Variants in MON2 observed in about 807,000 individuals in gnomAD.
MON2 encodes the protein protein MON2 homolog.
MON2 carries 84 observed loss-of-function variants against 208.6 expected under a neutral mutation model. The ratio of observed to expected loss-of-function variants is 0.40; its 90% CI spans 0.34 to 0.48. The LOEUF (loss-of-function observed/expected upper bound fraction) is 0.48. MON2 is among the 20% of genes least tolerant of loss of function. The pLI is 0.59. For synonymous variants in MON2, 660 were observed against 694.0 expected, an observed-to-expected ratio of 0.95 and a Z score of 0.77; for missense variants, 1,611 against 2,015.4, an observed-to-expected ratio of 0.80 and a Z score of 3.84.
intron 26 of MON2, among the ~76,000 whole-genome samples, chr12:62,561,655 G>C (rs901222231): frequency 6.6e-6 from 1 of 152,082 alleles, no homozygotes; most frequent in Middle Eastern, 3.2e-3. Context: ...AGCAAATTCA[G>C]ATTAGCAAGC....
chr12:62,585,095 ACACACACACACAC>A (rs1565714496), intron 32 of MON2, among the ~76,000 whole-genome samples, 186 bp from the exon 33 acceptor site: 4 of 104,908 alleles, frequency 3.8e-5, no homozygotes, highest in African/African-American at 1.2e-4. Flanking sequence ...ACACACACAC[ACACACACACACAC>A]ACAAAACAAA....
chr12:62,470,483 T>G lies in MON2; in HGVS notation c.111+3165T>G, dbSNP rs576292162. On this transcript the variant is annotated intron_variant, in intron 1 of 34. Transcript: ENST00000393630. Reference sequence around the variant, plus strand: ...TTTTCTTAGTTGTTATACATAAATCTTCATGTTTTAGCAGTATAACTTTTT... The same window carrying G: ...TTTTCTTAGTTGTTATACATAAATCGTCATGTTTTAGCAGTATAACTTTTT... Among the ~76,000 whole-genome samples, 15 of 152,300 alleles carry G rather than the reference T, an allele frequency of 9.8e-5. No homozygotes were observed. The East Asian group carries it at 2.3e-3, about 23-fold the overall frequency.
At chr12:62,507,729 C>T (rs1213306137) in intron 7 of MON2, among the ~76,000 whole-genome samples, 1 of 152,090 alleles carries the variant, frequency 6.6e-6, no homozygotes, top group East Asian at 1.9e-4. Flanking sequence ...TCCTTTTAAA[C>T]TTATATTCTT....
chr12:62,548,209 G>A (rs2073579733), intron 22 of MON2, among the ~76,000 whole-genome samples: 1 of 152,178 alleles, frequency 6.6e-6, no homozygotes, highest in East Asian at 1.9e-4. Flanking sequence ...AATGAGAATG[G>A]CTACAAGTGC....
chr12:62,472,384 T>C (rs1158144182), intron 1 of MON2, among the ~76,000 whole-genome samples: 1 of 152,198 alleles, frequency 6.6e-6, no homozygotes, highest in Admixed American at 6.5e-5. Context: ...GTTTAGGTGG[T>C]CAGAATTAGG....
intron 30 of MON2, among the ~76,000 whole-genome samples, chr12:62,576,475 T>C (rs998931422): frequency 6.6e-6 from 1 of 152,072 alleles, no homozygotes; most frequent in Non-Finnish European, 1.5e-5. Flanking sequence ...ATATATAGAT[T>C]ATATTGCAAC....
intron 23 of MON2, 56 bp downstream of exon 23, chr12:62,549,886 TG>T: frequency 8.7e-7 from 1 of 1,148,366 alleles, no homozygotes; most frequent in South Asian, 2.2e-5. Context: ...GTTATTCAGT[TG>T]GGAGTGAATG....
Position 62,561,110 on chromosome 12 carries a change from A to G in MON2, c.4029A>G (p.Gln1343=). The G allele has an allele frequency of 6.3e-7, 1 of 1,591,032 alleles. No individual in the cohort carries two copies. Among genetic ancestry groups the G allele is most frequent in the Non-Finnish European group, 8.5e-7 (1 of 1,171,416 alleles). ...EAVLTALDVL[Q]KAICVGPENM... is the part of the protein sequence containing the mutation. ...TACTTACAGCTTTAGATGTTCTCCA[A>G]AAGGTAATATAATTTTAGTGGCTAA... Residue 1343 remains glutamine (Q), a synonymous_variant, in exon 26 of 35, where the codon CAA becomes CAG. Transcript: ENST00000393630.
chr12:62,490,288 A>G (rs1485986549), intron 2 of MON2, among the ~76,000 whole-genome samples: 1 of 152,164 alleles, frequency 6.6e-6, no homozygotes, highest in East Asian at 1.9e-4. Context: ...TAATGAAAAT[A>G]GAAACAAATA....
chr12:62,494,031 G>C lies in MON2; in HGVS notation c.292G>C (p.Val98Leu). ...AAIQRLMSHE[V>L]VSETAAGNII... ...TATTCAGAGACTCATGTCACATGAAGTCGTGTCTGAGGTAATATGAAGATT... is the reference window on the plus strand; with the variant it reads ...TATTCAGAGACTCATGTCACATGAACTCGTGTCTGAGGTAATATGAAGATT... The change falls in exon 3 of 35, where the codon GTC becomes CTC. Residue 98 changes from valine (V) to leucine (L), a missense_variant. Transcript: ENST00000393630. The C allele has an allele frequency of 6.2e-7, 1 of 1,612,542 alleles. No individual in the cohort carries two copies. Among genetic ancestry groups the C allele is most frequent in the Non-Finnish European group, 8.5e-7 (1 of 1,179,068 alleles).
intron 25 of MON2, among the ~76,000 whole-genome samples, chr12:62,556,604 A>T (rs2073977312): frequency 6.6e-6 from 1 of 152,170 alleles, no homozygotes; most frequent in African/African-American, 2.4e-5. Context: ...CGAAGTGTGG[A>T]GAGCCTTATA....
At chr12:62,541,342 T>C (rs1479549456) in intron 19 of MON2, among the ~76,000 whole-genome samples, 2 of 142,582 alleles carry the variant, frequency 1.4e-5, no homozygotes, top group Non-Finnish European at 3.0e-5. Flanking sequence ...GCCATTGCAC[T>C]CCAGCCTGGG....
chr12:62,489,198 C>T (rs563813300), intron 2 of MON2, among the ~76,000 whole-genome samples: 1 of 152,008 alleles, frequency 6.6e-6, no homozygotes, highest in Non-Finnish European at 1.5e-5. Context: ...ATACTGCTTT[C>T]CAAAAAGATG....
intron 26 of MON2, 129 bp from the exon 27 acceptor site, chr12:62,565,108 C>T: frequency 1.1e-6 from 1 of 874,616 alleles, no homozygotes; most frequent in Non-Finnish European, 1.8e-6. Flanking sequence ...CTTTAGGGCT[C>T]AGAAAAGATG....
intron 30 of MON2, among the ~76,000 whole-genome samples, chr12:62,576,678 A>T (rs78924616): frequency 6.6e-6 from 1 of 151,926 alleles, no homozygotes; most frequent in South Asian, 2.1e-4. Flanking sequence ...ATTGCCCCTT[A>T]TAATTTATAG....
chr12:62,583,978 A>C (rs1436128475), intron 32 of MON2, among the ~76,000 whole-genome samples: 12 of 151,220 alleles, frequency 7.9e-5, no homozygotes, highest in South Asian at 2.1e-4. Flanking sequence ...AAAAAAACAA[A>C]AAAAAAAAAC....
At chr12:62,514,666 G>C (rs2071597402) in intron 8 of MON2, among the ~76,000 whole-genome samples, 1 of 152,136 alleles carries the variant, frequency 6.6e-6, no homozygotes, top group Non-Finnish European at 1.5e-5. Context: ...AGATTTGGTT[G>C]GGGACACAGC....
intron 11 of MON2, among the ~76,000 whole-genome samples, chr12:62,529,909 G>T (rs1007896676): frequency 1.3e-5 from 2 of 151,846 alleles, no homozygotes; most frequent in Non-Finnish European, 2.9e-5. Flanking sequence ...GTGATATTTT[G>T]ATACATTTAT....
At chr12:62,478,071 C>T (rs889148657) in intron 1 of MON2, among the ~76,000 whole-genome samples, 2 of 152,086 alleles carry the variant, frequency 1.3e-5, no homozygotes, top group African/African-American at 4.8e-5. Context: ...AAGTCCATCC[C>T]TCTCTCTCCC....
Sources: gnomAD v4.1 joint callset for allele counts (sites outside exome capture counted in the v4.1 genomes callset) on GRCh38, gnomAD v4.1.1 for gene constraint, MANE v1.5 for transcripts, NCBI Gene and HGNC (gene_info 2026-07-23, HGNC 2026-07-21) for gene names.